ULK4: variants seen among roughly 807,000 people sequenced by gnomAD.
ULK4 encodes unc-51 like kinase 4, also known as inactive serine/threonine-protein kinase ULK4.
A neutral mutation model predicts 160.6 loss-of-function variants in ULK4; 133 were observed. That is an observed-to-expected ratio of 0.83 (90% CI 0.72 to 0.96). The LOEUF (loss-of-function observed/expected upper bound fraction) is 0.96, where lower values mean the gene tolerates loss of function less well. Among genes scored for constraint, ULK4 ranks in the 40% least tolerant of loss-of-function variants. ULK4 has a pLI of 0.00. For synonymous variants in ULK4, 534 were observed against 539.8 expected (o/e 0.99, Z 0.15); for missense variants, 1,580 against 1,499.5 (o/e 1.05, Z -0.89).
At chr3:41,523,656 T>G (rs1450326694) in intron 32 of ULK4, among the ~76,000 whole-genome samples, 3 of 152,168 alleles carry the variant, frequency 2.0e-5, no homozygotes, top group South Asian at 4.1e-4. Flanking sequence ...ATGGAGAAAC[T>G]GGAGTCCATA....
intron 31 of ULK4, among the ~76,000 whole-genome samples, chr3:41,597,004 CCA>C (rs889967784): frequency 2.0e-5 from 3 of 152,144 alleles, no homozygotes; most frequent in African/African-American, 7.2e-5. Context: ...CCATCCCACC[CCA>C]GTCTCTCTGT....
At chr3:41,650,554 C>T (rs1407401698) in intron 30 of ULK4, among the ~76,000 whole-genome samples, 4 of 152,220 alleles carry the variant, frequency 2.6e-5, no homozygotes, top group African/African-American at 7.2e-5. Flanking sequence ...CCCACCCTGC[C>T]GCAGACGGCA....
At chr3:41,550,388 C>T (rs530914717) in intron 32 of ULK4, among the ~76,000 whole-genome samples, 1 of 151,210 alleles carries the variant, frequency 6.6e-6, no homozygotes, top group Non-Finnish European at 1.5e-5. Flanking sequence ...TTGCTGCCTA[C>T]AAGAAATATA....
chr3:41,275,465 C>G (rs1282187377), intron 35 of ULK4, among the ~76,000 whole-genome samples: 1 of 152,212 alleles, frequency 6.6e-6, no homozygotes, highest in Non-Finnish European at 1.5e-5. Flanking sequence ...AAAGATCCAA[C>G]TTAAAAAGAA....
chr3:41,646,049 A>C (rs539017876), intron 30 of ULK4, among the ~76,000 whole-genome samples: 1 of 152,176 alleles, frequency 6.6e-6, no homozygotes, highest in Non-Finnish European at 1.5e-5. Flanking sequence ...TGCCTGGTAG[A>C]TCTTCCTCCA....
chr3:41,390,958 C>A (rs1359375848), intron 35 of ULK4, among the ~76,000 whole-genome samples: 1 of 151,982 alleles, frequency 6.6e-6, no homozygotes, highest in African/African-American at 2.4e-5. Flanking sequence ...TCCCCCTTCC[C>A]TTCCCTTCAC....
chr3:41,249,673 T>A (rs1231671539), intron 35 of ULK4, 99 bp from the exon 36 acceptor site: 4 of 1,288,086 alleles, frequency 3.1e-6, no homozygotes, highest in Non-Finnish European at 4.3e-6. Context: ...CATGGTGCTG[T>A]GGCTGCCTAA....
chr3:41,477,752 G>A (rs924541538), intron 32 of ULK4, among the ~76,000 whole-genome samples: 1 of 152,092 alleles, frequency 6.6e-6, no homozygotes, highest in Non-Finnish European at 1.5e-5. Context: ...CTGTGGGGTC[G>A]CCATGGAGCC....
At chr3:41,706,900 T>TAG (rs1553637616) in intron 25 of ULK4, among the ~76,000 whole-genome samples, 6,181 of 136,242 alleles carry the variant, frequency 0.045, 195 homozygotes, top group Non-Finnish European at 0.06. Flanking sequence ...TATATATATA[T>TAG]AGAGAGAGAG....
intron 31 of ULK4, among the ~76,000 whole-genome samples, chr3:41,576,247 C>A (rs1171170068): frequency 1.3e-5 from 2 of 152,198 alleles, no homozygotes; most frequent in Non-Finnish European, 2.9e-5. Flanking sequence ...AAAATTCAGG[C>A]CAGATGTTGT....
At chr3:41,757,971 G>A (rs1278703133) in intron 21 of ULK4, among the ~76,000 whole-genome samples, 2 of 152,068 alleles carry the variant, frequency 1.3e-5, no homozygotes, top group African/African-American at 4.8e-5. Context: ...GTTTTTGCCT[G>A]CCCCCATTCA....
intron 32 of ULK4, among the ~76,000 whole-genome samples, chr3:41,474,993 T>C (rs2084096755): frequency 6.6e-6 from 1 of 152,088 alleles, no homozygotes; most frequent in Admixed American, 6.5e-5. Context: ...TTCTGGGTAT[T>C]TACCCATAAG....
At chr3:41,316,865 T>C (rs1201206783) in intron 35 of ULK4, among the ~76,000 whole-genome samples, 1 of 152,198 alleles carries the variant, frequency 6.6e-6, no homozygotes, top group South Asian at 2.1e-4. Flanking sequence ...GTGTCTGACA[T>C]ATAATGGGCA....
intron 5 of ULK4, among the ~76,000 whole-genome samples, chr3:41,926,779 G>A (rs1292107288): frequency 6.7e-6 from 1 of 149,632 alleles, no homozygotes; most frequent in Admixed American, 6.6e-5. Context: ...ATGAAATAAA[G>A]CGAAAAGACA....
intron 34 of ULK4, among the ~76,000 whole-genome samples, chr3:41,434,384 T>A (rs1386517462): frequency 6.6e-6 from 1 of 152,192 alleles, no homozygotes; most frequent in Non-Finnish European, 1.5e-5. Flanking sequence ...GTTGCAGATA[T>A]GCATATATAC....
chr3:41,681,748 C>A lies in ULK4; in HGVS notation c.2833+5G>T, dbSNP rs756975928. The A allele has an allele frequency of 6.2e-7, 1 of 1,614,062 alleles. No individual in the cohort carries two copies. The highest frequency in any genetic ancestry group is 1.7e-5 in the Admixed American group (1 of 59,998). ...TGCAATTCTTGCTGGTGTCATCACA[C>A]TTACCATTTTGGCTTTGAACCAAGG... On this transcript the variant is annotated splice_donor_5th_base_variant and intron_variant, in intron 28 of 36. Coordinates refer to ENST00000301831, the MANE Select transcript of ULK4 (RefSeq NM_017886.4).
At chr3:41,545,012 A>AT (rs1400160517) in intron 32 of ULK4, among the ~76,000 whole-genome samples, 1 of 152,152 alleles carries the variant, frequency 6.6e-6, no homozygotes, top group African/African-American at 2.4e-5. Context: ...CACTCCTTGT[A>AT]TTGTTGCAAG....
rs191785332 is a variant in ULK4 at position 41,696,324 on chromosome 3, A to G, written c.2781+8733T>C. 7.7e-3 allele frequency among the ~76,000 whole-genome samples: 1,168 copies of G among 152,286 alleles called. 5 individuals are homozygous for G. The highest frequency in any genetic ancestry group is 0.012 in the Non-Finnish European group (850 of 68,028). On this transcript the variant is annotated intron_variant, in intron 27 of 36. Coordinates refer to ENST00000301831, the MANE Select transcript of ULK4 (RefSeq NM_017886.4). The stretch of plus-strand genomic sequence containing the variant: ...AGTAGCAAAATTAGTGAAAGTACTA[A>G]AAGTTTCTGATATGCAGAAATAATG...
In ULK4 at chr3:41,945,245, A is replaced by G. The variant is rs551873590; in HGVS notation, c.139-7048T>C. On this transcript the variant is annotated intron_variant, in intron 2 of 36. Transcript: ENST00000301831. ...TCCAAACCATACTGCCTCTGCCTCA[A>G]GATGTGCCGGCAAATGGATGGATGC... 4.7e-5 allele frequency among the ~76,000 whole-genome samples: 7 copies of G among 150,040 alleles called. No homozygotes were observed. The East Asian group carries it at 1.3e-3, about 29-fold the overall frequency.
Sources: gnomAD v4.1 joint callset for allele counts (sites outside exome capture counted in the v4.1 genomes callset) on GRCh38, gnomAD v4.1.1 for gene constraint, MANE v1.5 for transcripts, NCBI Gene and HGNC (gene_info 2026-07-23, HGNC 2026-07-21) for gene names.